The following DOCK2 variants were observed in gnomAD, a reference collection of about 807,000 sequenced individuals.
DOCK2 encodes the protein dedicator of cytokinesis 2, also known as dedicator of cytokinesis protein 2.
DOCK2 carries 87 observed loss-of-function variants against 248.9 expected under a neutral mutation model. The observed-to-expected ratio is 0.35, with a 90% CI of 0.29 to 0.42. The LOEUF is 0.42. Among genes scored for constraint, DOCK2 ranks in the 10% least tolerant of loss-of-function variants. The probability of loss-of-function intolerance (pLI) is 1.00; values close to 1 mark genes in which losing one functional copy is unlikely to be tolerated. For missense variants in DOCK2, 1,747 were observed against 2,300.2 expected, an observed-to-expected ratio of 0.76 and a Z score of 4.92; for synonymous variants, 805 against 821.6, an observed-to-expected ratio of 0.98 and a Z score of 0.35.
At chr5:169,699,793 G>A (rs1393961798) in intron 12 of DOCK2, among the ~76,000 whole-genome samples, 1 of 152,212 alleles carries the variant, frequency 6.6e-6, no homozygotes, top group Non-Finnish European at 1.5e-5. Context: ...TTAGAGAAGT[G>A]GGATAATTTG....
intron 25 of DOCK2, among the ~76,000 whole-genome samples, chr5:169,794,921 TCAAA>T (rs1179351259): frequency 6.6e-6 from 1 of 152,138 alleles, no homozygotes; most frequent in Non-Finnish European, 1.5e-5. Context: ...AGACTCTGTC[TCAAA>T]CAAACACACA....
intron 29 of DOCK2, 126 bp downstream of exon 29, chr5:169,986,048 T>G: frequency 2.4e-6 from 2 of 844,434 alleles, no homozygotes; most frequent in African/African-American, 1.7e-5. Flanking sequence ...AGGCATGCTT[T>G]CTTTCTATCT....
At chr5:169,900,112 T>C (rs1250741852) in intron 27 of DOCK2, among the ~76,000 whole-genome samples, 1 of 152,162 alleles carries the variant, frequency 6.6e-6, no homozygotes, top group African/African-American at 2.4e-5. Flanking sequence ...GTGCCAAACA[T>C]TGTGCTGGGC....
At chr5:169,814,807 A>G (rs1331611976) in intron 26 of DOCK2, among the ~76,000 whole-genome samples, 2 of 152,246 alleles carry the variant, frequency 1.3e-5, no homozygotes, top group East Asian at 3.8e-4. Flanking sequence ...GGGAAATTAC[A>G]CATAGAAATT....
intron 37 of DOCK2, 126 bp downstream of exon 37, chr5:170,041,271 A>G (rs1175243950): frequency 1.2e-6 from 1 of 833,906 alleles, no homozygotes; most frequent in Non-Finnish European, 1.9e-6. Context: ...TGTGTCTCCA[A>G]ACTCTTGAGC....
intron 9 of DOCK2, 83 bp downstream of exon 9, chr5:169,689,416 G>T: frequency 1.4e-6 from 2 of 1,428,698 alleles, no homozygotes; most frequent in Non-Finnish European, 2.0e-6. Flanking sequence ...AGGAGCTCAG[G>T]GTGAAGTGTG....
At chr5:170,010,910 C>T (rs1234595136) in intron 32 of DOCK2, among the ~76,000 whole-genome samples, 2 of 152,194 alleles carry the variant, frequency 1.3e-5, no homozygotes, top group African/African-American at 4.8e-5. Flanking sequence ...TTGTTTTGCA[C>T]ACAGAAGATT....
intron 34 of DOCK2, among the ~76,000 whole-genome samples, chr5:170,031,334 G>T (rs1020748031): frequency 6.6e-6 from 1 of 152,168 alleles, no homozygotes; most frequent in East Asian, 1.9e-4. Context: ...CTGACAGAGA[G>T]GGGGAGTCTG....
intron 3 of DOCK2, among the ~76,000 whole-genome samples, chr5:169,669,768 A>G (rs969421690): frequency 6.6e-6 from 1 of 152,036 alleles, no homozygotes; most frequent in African/African-American, 2.4e-5. Flanking sequence ...ACATTTCACT[A>G]TTGTCTCCAT....
chr5:169,950,347 G>T (rs57354647), intron 27 of DOCK2, among the ~76,000 whole-genome samples: 1 of 152,168 alleles, frequency 6.6e-6, no homozygotes, highest in African/African-American at 2.4e-5. Flanking sequence ...TATGCAAAGC[G>T]CTTAGTGTCT....
intron 32 of DOCK2, among the ~76,000 whole-genome samples, chr5:170,015,284 A>G (rs1442975416): frequency 6.6e-6 from 1 of 152,210 alleles, no homozygotes; most frequent in Non-Finnish European, 1.5e-5. Context: ...TATTATCTTC[A>G]TCTTACAGAT....
chr5:169,900,355 C>G (rs964243088), intron 27 of DOCK2, among the ~76,000 whole-genome samples: 2 of 152,162 alleles, frequency 1.3e-5, no homozygotes, highest in East Asian at 1.9e-4. Flanking sequence ...AAGGAAGAAG[C>G]AGGTTCAAAG....
In DOCK2 at chr5:170,027,904, AG is replaced by A; in HGVS notation, c.3428del (p.Gly1143AlafsTer15). ...IILKLDHEVE[G>X]GRGDEQYMQL... ...TCCTGAAGCTGGACCACGAGGTAGA[AG>A]GGGGCCGAGGCGACGAGCAGTACAT... On this transcript the variant is annotated frameshift_variant, in exon 34 of 52. Transcript: ENST00000520908. LOFTEE classifies it high-confidence loss of function. The A allele has an allele frequency of 6.2e-7, 1 of 1,613,456 alleles. No individual in the cohort carries two copies.
intron 27 of DOCK2, among the ~76,000 whole-genome samples, chr5:169,860,433 G>A: frequency 6.6e-6 from 1 of 152,168 alleles, no homozygotes; most frequent in East Asian, 1.9e-4. Flanking sequence ...CTGTCACTCA[G>A]TTCATTGTCA....
chr5:169,755,684 CA>C (rs2113719198), intron 23 of DOCK2, among the ~76,000 whole-genome samples: 1 of 152,268 alleles, frequency 6.6e-6, no homozygotes, highest in South Asian at 2.1e-4. Context: ...GTGGAGGTTA[CA>C]GTGAGCAGAG....
intron 46 of DOCK2, among the ~76,000 whole-genome samples, chr5:170,070,726 A>G (rs1757652454): frequency 6.6e-6 from 1 of 152,172 alleles, no homozygotes; most frequent in South Asian, 2.1e-4. Flanking sequence ...CTCTGAATCT[A>G]TACAATTGCC....
intron 16 of DOCK2, 35 bp from the exon 17 acceptor site, chr5:169,712,085 C>T (rs781432287): frequency 1.2e-6 from 2 of 1,613,774 alleles, no homozygotes; most frequent in Non-Finnish European, 1.7e-6. Context: ...GCCCATGTAT[C>T]ATTTTCTTTC....
chr5:169,701,540 C>T (rs1395754010), intron 13 of DOCK2, among the ~76,000 whole-genome samples: 1 of 150,970 alleles, frequency 6.6e-6, no homozygotes. Flanking sequence ...TGGGGTTTAG[C>T]TCTGTTACTT....
chr5:169,989,954 C>T (rs184749553), intron 29 of DOCK2, among the ~76,000 whole-genome samples: 37 of 152,282 alleles, frequency 2.4e-4, no homozygotes, highest in African/African-American at 7.7e-4. Context: ...TATGGTAGTT[C>T]CATCAGTGTG....
Sources: allele counts gnomAD v4.1 joint callset (sites outside exome capture counted in the v4.1 genomes callset), GRCh38; gene constraint gnomAD v4.1.1; transcripts MANE v1.5; gene names NCBI Gene and HGNC (gene_info 2026-07-23, HGNC 2026-07-21).